Variants in KIAA0930 observed in about 807,000 individuals in gnomAD.
KIAA0930 encodes the protein uncharacterized protein KIAA0930.
A neutral mutation model predicts 43.9 loss-of-function variants in KIAA0930; 24 were observed. That is an observed-to-expected ratio of 0.55 (90% CI 0.40 to 0.77). KIAA0930 has a LOEUF of 0.77. KIAA0930 is among the 30% of genes least tolerant of loss of function. The probability of loss-of-function intolerance (pLI) is 0.00; values close to 1 mark genes in which losing one functional copy is unlikely to be tolerated. For missense variants in KIAA0930, 461 were observed against 574.2 expected, an observed-to-expected ratio of 0.80 and a Z score of 2.02; for synonymous variants, 259 against 216.4, an observed-to-expected ratio of 1.20 and a Z score of -1.73.
At chr22:45,214,119 G>A (rs1655787889) in intron 1 of KIAA0930, among the ~76,000 whole-genome samples, 1 of 152,238 alleles carries the variant, frequency 6.6e-6, no homozygotes, top group African/African-American at 2.4e-5. Flanking sequence ...AGAGGTTGCA[G>A]TGAACCAAGA....
At position 45,197,850 on chromosome 22, in the gene KIAA0930, T is replaced by C; in HGVS notation, c.1114A>G (p.Asn372Asp). Residue 372 changes from asparagine to aspartate, a missense_variant, in exon 9 of 10, where the codon AAC becomes GAC. Transcript: ENST00000336156. The stretch of plus-strand genomic sequence containing the variant: ...GTTAAGTGTGCATAGAGAAGGAAGT[T>C]TCCATCTGCTCTGTTCAGCTTCAGC... ...SWLKLNRADG[N>D]FLLYAHLTYV... 6.2e-7 allele frequency: 1 copy of C among 1,614,182 alleles called. No individual in the cohort carries two copies. The highest frequency in any genetic ancestry group is 8.5e-7 in the Non-Finnish European group (1 of 1,180,022).
intron 8 of KIAA0930, among the ~76,000 whole-genome samples, chr22:45,198,661 G>T (rs559350332): frequency 1.3e-3 from 198 of 149,706 alleles, no homozygotes; most frequent in African/African-American, 4.3e-3. Flanking sequence ...GTTTTTTTTT[G>T]TTTGTTTTGA....
chr22:45,225,929 G>A (rs1483268067), intron 1 of KIAA0930, among the ~76,000 whole-genome samples: 2 of 152,238 alleles, frequency 1.3e-5, no homozygotes, highest in Non-Finnish European at 2.9e-5. Flanking sequence ...TCAGGGCCAG[G>A]CCAAAGCCCC....
intron 1 of KIAA0930, among the ~76,000 whole-genome samples, chr22:45,216,149 A>C (rs1265841819): frequency 2.0e-5 from 3 of 152,198 alleles, no homozygotes; most frequent in African/African-American, 7.2e-5. Context: ...AAAGGTCGGG[A>C]CTGGAGGGAT....
chr22:45,229,679 T>C (rs914375507), intron 1 of KIAA0930, among the ~76,000 whole-genome samples: 15 of 152,142 alleles, frequency 9.9e-5, no homozygotes, highest in Non-Finnish European at 5.9e-5. Context: ...AGGCCAAGTG[T>C]GGAGGGGACC....
intron 5 of KIAA0930, among the ~76,000 whole-genome samples, chr22:45,204,239 C>T (rs1395665508): frequency 6.6e-6 from 1 of 152,126 alleles, no homozygotes; most frequent in African/African-American, 2.4e-5. Context: ...AAGACGCACA[C>T]CCTCATCACG....
At chr22:45,238,065 C>T (rs936930429) in intron 1 of KIAA0930, among the ~76,000 whole-genome samples, 7 of 151,928 alleles carry the variant, frequency 4.6e-5, no homozygotes, top group Admixed American at 1.3e-4. Flanking sequence ...CGACTATAGG[C>T]GCCCGCCACC....
intron 2 of KIAA0930, among the ~76,000 whole-genome samples, chr22:45,208,713 CTG>C (rs1178413968): frequency 1.1e-4 from 17 of 152,246 alleles, no homozygotes; most frequent in Admixed American, 7.8e-4. Context: ...GTGTACACGT[CTG>C]TGTTTTTCTG....
At chr22:45,199,777 A>G in intron 8 of KIAA0930, 96 bp downstream of exon 8, 1 of 1,260,202 alleles carries the variant, frequency 7.9e-7, no homozygotes, top group Non-Finnish European at 1.1e-6. Context: ...CTGCTGAATG[A>G]ACAAATGAAT....
chr22:45,229,128 A>C (rs375414048), intron 1 of KIAA0930, among the ~76,000 whole-genome samples: 16 of 2,520 alleles, frequency 6.3e-3, no homozygotes, highest in South Asian at 0.014. Context: ...TCCACCCCCC[A>C]ACCACCAAAC....
rs2083509952 is a variant in KIAA0930 at position 45,193,617 on chromosome 22, C to T, written c.*3559G>A. On this transcript the variant is annotated 3_prime_UTR_variant, in exon 10 of 10. Coordinates refer to ENST00000336156, the MANE Select transcript of KIAA0930 (RefSeq NM_001009880.2). ...AGACTAACTCACAGTCCATAAGAAT[C>T]CAAAAGTGAGCGGCGACTTCACTCA... 6.6e-6 allele frequency: 1 copy of T among 152,188 alleles called. No individual in the cohort carries two copies. The highest frequency in any genetic ancestry group is 1.5e-5 in the Non-Finnish European group (1 of 68,042). The allele number at this position is 152,188 out of a possible 1,614,324, so 9.4% of individuals were successfully genotyped here.
intron 8 of KIAA0930, among the ~76,000 whole-genome samples, chr22:45,199,120 CAG>C (rs2083563211): frequency 6.6e-6 from 1 of 152,206 alleles, no homozygotes; most frequent in African/African-American, 2.4e-5. Flanking sequence ...CCATTTCCCA[CAG>C]AGACTGCTGA....
At chr22:45,214,457 G>C (rs912477740) in intron 1 of KIAA0930, among the ~76,000 whole-genome samples, 1 of 152,222 alleles carries the variant, frequency 6.6e-6, no homozygotes, top group Non-Finnish European at 1.5e-5. Context: ...CAGAGCAAAA[G>C]AAGTCAGGCG....
intron 2 of KIAA0930, among the ~76,000 whole-genome samples, chr22:45,208,724 T>C (rs767245875): frequency 1.3e-5 from 2 of 152,228 alleles, no homozygotes; most frequent in Non-Finnish European, 2.9e-5. Context: ...TGTGTTTTTC[T>C]GTATAGACGT....
At chr22:45,234,966 T>G (rs1371333797) in intron 1 of KIAA0930, among the ~76,000 whole-genome samples, 1 of 151,812 alleles carries the variant, frequency 6.6e-6, no homozygotes, top group African/African-American at 2.4e-5. Context: ...CATAATTGTT[T>G]CCTATTTTCT....
chr22:45,213,203 C>T (rs1049955668), intron 1 of KIAA0930: 13 of 822,920 alleles, frequency 1.6e-5, no homozygotes, highest in Middle Eastern at 2.7e-4. Context: ...CCTTGGTTGA[C>T]GTCAGCCACA....
intron 2 of KIAA0930, chr22:45,211,566 A>G: frequency 2.2e-6 from 1 of 455,266 alleles, no homozygotes; most frequent in South Asian, 5.7e-5. Flanking sequence ...CATCATCACC[A>G]CCACTGAGTC....
intron 6 of KIAA0930, 64 bp from the exon 7 acceptor site, chr22:45,203,248 C>G (rs2083605901): frequency 6.7e-7 from 1 of 1,485,366 alleles, no homozygotes. Context: ...GGCCCCTCCC[C>G]AGGACATGAA....
At chr22:45,203,527 G>T (rs931105278) in intron 6 of KIAA0930, among the ~76,000 whole-genome samples, 1 of 152,120 alleles carries the variant, frequency 6.6e-6, no homozygotes, top group African/African-American at 2.4e-5. Context: ...AGGGCCAGTC[G>T]CAGGAAGCAA....
Sources: gnomAD v4.1 joint callset for allele counts (sites outside exome capture counted in the v4.1 genomes callset) on GRCh38, gnomAD v4.1.1 for gene constraint, MANE v1.5 for transcripts, NCBI Gene and HGNC (gene_info 2026-07-23, HGNC 2026-07-21) for gene names.